Variants in SEMA3A observed in about 807,000 individuals in gnomAD.
The protein encoded by SEMA3A is semaphorin 3A, also known as semaphorin-3A.
In SEMA3A, 29 loss-of-function variants were observed where a neutral mutation model predicts 97.9. That is an observed-to-expected ratio of 0.30 (90% confidence interval 0.22 to 0.40). SEMA3A has a LOEUF of 0.40. Ranked by LOEUF, SEMA3A falls within the 10% of genes least tolerant of loss-of-function variation. SEMA3A has a pLI of 1.00. For missense variants in SEMA3A, 763 were observed against 951.3 expected, an observed-to-expected ratio of 0.80 and a Z score of 2.60; for synonymous variants, 321 against 323.7, an observed-to-expected ratio of 0.99 and a Z score of 0.09.
intron 1 of SEMA3A, among the ~76,000 whole-genome samples, chr7:84,406,596 A>G (rs941118862): frequency 6.6e-6 from 1 of 152,180 alleles, no homozygotes; most frequent in South Asian, 2.1e-4. Flanking sequence ...GACACAACAA[A>G]AAAAAAGAGA....
At chr7:84,269,357 C>A (rs1800089487) in intron 3 of SEMA3A, among the ~76,000 whole-genome samples, 1 of 152,018 alleles carries the variant, frequency 6.6e-6, no homozygotes, top group Non-Finnish European at 1.5e-5. Context: ...GACACACTAC[C>A]CATGTCAGTA....
Position 84,002,335 on chromosome 7 carries a change from T to A in SEMA3A, c.1361-289A>T, listed in dbSNP as rs10253580. 0.23 allele frequency among the ~76,000 whole-genome samples: 35,687 copies of A among 152,080 alleles called. 4,311 individuals carry two copies. The highest frequency in any genetic ancestry group is 0.31 in the South Asian group (1,516 of 4,826). Reference sequence around the variant, plus strand: ...TTATCATGAGACTGCATACATTTTTTAAAATATAATAATTATTACAGAGAT... The same window carrying A: ...TTATCATGAGACTGCATACATTTTTAAAAATATAATAATTATTACAGAGAT... On this transcript the variant is annotated intron_variant, in intron 11 of 16. Coordinates refer to ENST00000265362, the MANE Select transcript of SEMA3A (RefSeq NM_006080.3).
intron 3 of SEMA3A, among the ~76,000 whole-genome samples, chr7:84,299,281 TATATATCTATCTCCATATATATATCTCC>T (rs778657018): frequency 2.6e-4 from 37 of 141,232 alleles, no homozygotes; most frequent in South Asian, 4.5e-4. Flanking sequence ...TATCTCCATA[TATATATCTATCTCCATATATATATCTCC>T]ATATATATAT....
intron 2 of SEMA3A, among the ~76,000 whole-genome samples, chr7:84,337,547 A>C (rs901082415): frequency 3.9e-5 from 6 of 152,170 alleles, no homozygotes; most frequent in African/African-American, 7.2e-5. Flanking sequence ...ACTGAGCCAG[A>C]GGAGCATTGA....
chr7:84,443,662 C>T (rs930244884), intron 1 of SEMA3A, among the ~76,000 whole-genome samples: 1 of 152,106 alleles, frequency 6.6e-6, no homozygotes, highest in Non-Finnish European at 1.5e-5. Context: ...TCAGGTGAAG[C>T]TTTCATGGTT....
intron 3 of SEMA3A, among the ~76,000 whole-genome samples, chr7:84,227,304 T>C (rs1420573202): frequency 6.6e-6 from 1 of 152,024 alleles, no homozygotes; most frequent in East Asian, 1.9e-4. Flanking sequence ...TTTATCAAGA[T>C]ATTTTTCAAT....
At chr7:84,425,531 CGT>C (rs1804793516) in intron 1 of SEMA3A, among the ~76,000 whole-genome samples, 1 of 139,908 alleles carries the variant, frequency 7.1e-6, no homozygotes, top group South Asian at 2.2e-4. Context: ...TAAGCATAAA[CGT>C]ATATTTATAT....
At chr7:84,230,340 T>A (rs542506157) in intron 3 of SEMA3A, among the ~76,000 whole-genome samples, 2 of 152,082 alleles carry the variant, frequency 1.3e-5, no homozygotes, top group Admixed American at 6.6e-5. Flanking sequence ...TATTCTGATA[T>A]TTTTTAAATC....
At chr7:84,373,559 A>G (rs1803025149) in intron 1 of SEMA3A, among the ~76,000 whole-genome samples, 1 of 152,226 alleles carries the variant, frequency 6.6e-6, no homozygotes, top group Non-Finnish European at 1.5e-5. Context: ...GAATAAAAGT[A>G]ATTTATAAAA....
intron 1 of SEMA3A, among the ~76,000 whole-genome samples, chr7:84,458,050 T>A (rs1019946547): frequency 1.3e-5 from 2 of 152,050 alleles, no homozygotes; most frequent in African/African-American, 4.8e-5. Context: ...GGTAAGACTT[T>A]ATGTTTACAA....
intron 1 of SEMA3A, 50 bp downstream of exon 1, chr7:84,194,421 AGGGG>A: frequency 8.8e-7 from 1 of 1,138,360 alleles, no homozygotes; most frequent in Non-Finnish European, 1.3e-6. Context: ...CAAGGAATTA[AGGGG>A]GGGGGCGGTT....
rs1788428841 is a variant in SEMA3A, at chr7:83,960,665, C to T, written c.*706G>A. On this transcript the variant is annotated 3_prime_UTR_variant, in exon 17 of 17. Transcript: ENST00000265362. Reference sequence around the variant, plus strand: ...ATAGCACAATAATTGTAAGACAAATCCTACTCTAGCTTAGAAAACAACTAA... The same window carrying T: ...ATAGCACAATAATTGTAAGACAAATTCTACTCTAGCTTAGAAAACAACTAA... 2.0e-5 allele frequency: 3 copies of T among 152,504 alleles called. No individual in the cohort carries two copies. In the Admixed American group the frequency reaches 2.0e-4, roughly 10 times the overall value. The allele number at this position is 152,504 out of a possible 1,614,324, so 9.4% of individuals were successfully genotyped here.
intron 13 of SEMA3A, among the ~76,000 whole-genome samples, chr7:83,981,877 G>A (rs1311779892): frequency 1.3e-5 from 2 of 152,004 alleles, no homozygotes; most frequent in Non-Finnish European, 2.9e-5. Flanking sequence ...AGGAACCATT[G>A]CTTCTGACTT....
rs1446064165 is a variant in SEMA3A, at chr7:84,064,289, C to A, written c.454-3731G>T. On this transcript the variant is annotated intron_variant, in intron 4 of 16. Coordinates refer to ENST00000265362, the MANE Select transcript of SEMA3A (RefSeq NM_006080.3). The stretch of plus-strand genomic sequence containing the variant: ...AGGAAGCACTAAACATGGAAAGGAA[C>A]AACTGGTACCAGCCACTGCAAAATC... Among the ~76,000 whole-genome samples, 462 of 150,728 alleles carry A rather than the reference C, an allele frequency of 3.1e-3. 6 individuals are homozygous for A. The highest frequency in any genetic ancestry group is 0.011 in the African/African-American group (429 of 40,134).
chr7:84,112,814 CTATAA>C (rs1795313255), intron 3 of SEMA3A, among the ~76,000 whole-genome samples: 1 of 152,204 alleles, frequency 6.6e-6, no homozygotes, highest in Admixed American at 6.5e-5. Context: ...AGAGGAACCA[CTATAA>C]TATGACAACA....
chr7:84,449,847 T>C (rs1805513562), intron 1 of SEMA3A, among the ~76,000 whole-genome samples: 1 of 152,214 alleles, frequency 6.6e-6, no homozygotes, highest in African/African-American at 2.4e-5. Context: ...TGTCATTTTG[T>C]GGCTGAATTA....
chr7:84,443,794 T>A (rs1030996167), intron 1 of SEMA3A, among the ~76,000 whole-genome samples: 3 of 152,008 alleles, frequency 2.0e-5, no homozygotes, highest in African/African-American at 7.3e-5. Context: ...TTGCAAAAAA[T>A]TCTTACCATG....
chr7:84,305,550 A>T (rs1801134074), intron 3 of SEMA3A, among the ~76,000 whole-genome samples: 1 of 152,056 alleles, frequency 6.6e-6, no homozygotes, highest in Non-Finnish European at 1.5e-5. Context: ...AGACTCATCC[A>T]TATGAGCTCT....
At position 84,104,444 on chromosome 7, in the gene SEMA3A, A is replaced by G. The variant is rs568601171; in HGVS notation, c.453+6026T>C. On this transcript the variant is annotated intron_variant, in intron 4 of 16. Transcript: ENST00000265362. ...TTTAGGGGAAAAAAAGCTGTCAAGT[A>G]TTATCAGTAAAAAACTGTACAATTG... 2.6e-4 allele frequency among the ~76,000 whole-genome samples: 39 copies of G among 152,236 alleles called. No homozygotes were observed. In the South Asian group the frequency reaches 7.5e-3, roughly 29 times the overall value.
Sources: gnomAD v4.1 joint callset for allele counts (sites outside exome capture counted in the v4.1 genomes callset) on GRCh38, gnomAD v4.1.1 for gene constraint, MANE v1.5 for transcripts, NCBI Gene and HGNC (gene_info 2026-07-23, HGNC 2026-07-21) for gene names.